TMEM163: variants seen among roughly 807,000 people sequenced by gnomAD.
The protein encoded by TMEM163 is transmembrane protein 163.
TMEM163 carries 17 observed loss-of-function variants against 29.3 expected under a neutral mutation model. That is an observed-to-expected ratio of 0.58 (90% CI 0.40 to 0.87). The LOEUF (loss-of-function observed/expected upper bound fraction) is 0.87. Ranked by LOEUF, TMEM163 falls within the 40% of genes least tolerant of loss-of-function variation. TMEM163 has a pLI of 0.00. For synonymous variants in TMEM163, 157 were observed against 160.6 expected (o/e 0.98, Z 0.17); for missense variants, 303 against 381.5 (o/e 0.79, Z 1.71).
At position 134,718,944 on chromosome 2, in the gene TMEM163, G is replaced by T; in HGVS notation, c.-9C>A. ...CCCGCGGCCGGCTCCATGGCGCGGG[G>T]CTGCGGATCCCGGCGGCGGCGACGA... On this transcript the variant is annotated 5_prime_UTR_variant, in exon 1 of 8. Coordinates refer to ENST00000281924, the MANE Select transcript of TMEM163 (RefSeq NM_030923.5). The T allele has an allele frequency of 9.6e-7, 1 of 1,042,084 alleles. No individual in the cohort carries two copies. The highest frequency in any genetic ancestry group is 1.2e-6 in the Non-Finnish European group (1 of 868,664). The allele number at this position is 1,042,084 out of a possible 1,614,324, so 64.6% of individuals were successfully genotyped here.
intron 2 of TMEM163, among the ~76,000 whole-genome samples, chr2:134,632,754 TC>T (rs1435436843): frequency 3.3e-5 from 5 of 151,600 alleles, no homozygotes; most frequent in African/African-American, 9.7e-5. Context: ...TTTTTTTTTT[TC>T]TTTTTGAGAT....
At chr2:134,549,302 G>C (rs1477417094) in intron 4 of TMEM163, among the ~76,000 whole-genome samples, 1 of 152,162 alleles carries the variant, frequency 6.6e-6, no homozygotes, top group African/African-American at 2.4e-5. Flanking sequence ...GCCTCAAAGA[G>C]GTATTGCAAC....
intron 5 of TMEM163, among the ~76,000 whole-genome samples, chr2:134,491,144 A>AG (rs11422930): frequency 0.62 from 93,928 of 151,920 alleles, 31,170 homozygotes; most frequent in East Asian, 0.96. Context: ...CAGTGTCCCA[A>AG]GTCAAGTAGA....
chr2:134,531,667 T>TG (rs904419222), intron 4 of TMEM163, among the ~76,000 whole-genome samples: 11 of 152,182 alleles, frequency 7.2e-5, no homozygotes, highest in African/African-American at 2.7e-4. Flanking sequence ...AAGGGATGCA[T>TG]GGAGCAAGGC....
intron 2 of TMEM163, among the ~76,000 whole-genome samples, chr2:134,585,990 G>T (rs2104798441): frequency 6.6e-6 from 1 of 152,250 alleles, no homozygotes; most frequent in African/African-American, 2.4e-5. Flanking sequence ...AAGACTTTTT[G>T]AAAGAAGAGC....
intron 5 of TMEM163, among the ~76,000 whole-genome samples, chr2:134,487,238 TA>T (rs1255847088): frequency 5.9e-5 from 9 of 152,294 alleles, no homozygotes; most frequent in Admixed American, 5.9e-4. Context: ...AAAATAAAAC[TA>T]ATTTTTAAAA....
Position 134,718,734 on chromosome 2 carries a change from C to A in TMEM163, c.202G>T (p.Gly68Cys). The A allele has an allele frequency of 1.7e-6, 2 of 1,155,794 alleles. No homozygotes were observed. The highest frequency in any genetic ancestry group is 2.1e-6 in the Non-Finnish European group (2 of 939,072). 71.6% of individuals were successfully genotyped at this position (1,155,794 alleles called of 1,614,324 possible). A position where few individuals can be genotyped will look rare whatever the true frequency, so the allele number is the denominator to read the frequency against. The change falls in exon 1 of 8, where the codon GGC becomes TGC. Residue 68 changes from glycine (G) to cysteine (C), a missense_variant and splice_region_variant. By Grantham distance (159) the Gly-to-Cys change is radical. Transcript: ENST00000281924. ...GCCGGGTCGGGCAGCTCGCGCTCAC[C>A]TCGGTCCTCCAGCCCGTCGCTGAAC... ...GQFSDGLEDRGLLESSTRLKP... is the reference protein window; with the variant it reads ...GQFSDGLEDRCLLESSTRLKP...
chr2:134,561,247 A>G (rs1464706780), intron 2 of TMEM163, among the ~76,000 whole-genome samples: 1 of 152,244 alleles, frequency 6.6e-6, no homozygotes, highest in Non-Finnish European at 1.5e-5. Flanking sequence ...TCTGTCGCCC[A>G]GGCTGGAGCG....
intron 5 of TMEM163, among the ~76,000 whole-genome samples, chr2:134,491,739 A>C (rs181148771): frequency 4.2e-4 from 64 of 152,352 alleles, no homozygotes; most frequent in Admixed American, 1.4e-3. Context: ...ATATCAAGCT[A>C]AAAAGCTCTT....
intron 4 of TMEM163, among the ~76,000 whole-genome samples, chr2:134,549,376 C>G (rs1477754680): frequency 6.6e-6 from 1 of 152,220 alleles, no homozygotes; most frequent in Admixed American, 6.5e-5. Flanking sequence ...GAGACAAAGT[C>G]TCGCTCTGTT....
At chr2:134,680,750 G>A (rs1684212330) in intron 2 of TMEM163, among the ~76,000 whole-genome samples, 3 of 152,180 alleles carry the variant, frequency 2.0e-5, no homozygotes, top group African/African-American at 7.2e-5. Flanking sequence ...GGTTTATAAT[G>A]AGGACATGTT....
At chr2:134,531,902 G>T (rs932731517) in intron 4 of TMEM163, among the ~76,000 whole-genome samples, 2 of 152,176 alleles carry the variant, frequency 1.3e-5, no homozygotes, top group East Asian at 1.9e-4. Context: ...TCTAAATTCT[G>T]CCTTGGTCTT....
intron 2 of TMEM163, among the ~76,000 whole-genome samples, chr2:134,606,802 G>C (rs1455319322): frequency 6.6e-6 from 1 of 152,244 alleles, no homozygotes; most frequent in Non-Finnish European, 1.5e-5. Context: ...GATGAGGATT[G>C]ATGGGGGCAG....
chr2:134,684,621 C>T (rs140028489), intron 2 of TMEM163, among the ~76,000 whole-genome samples: 62 of 152,196 alleles, frequency 4.1e-4, no homozygotes, highest in Middle Eastern at 3.4e-3. Flanking sequence ...GTTTTGGGAA[C>T]ACAGAGAGAT....
chr2:134,512,232 C>T (rs751049375), intron 4 of TMEM163, among the ~76,000 whole-genome samples: 1 of 152,112 alleles, frequency 6.6e-6, no homozygotes, highest in African/African-American at 2.4e-5. Context: ...CCAGGGTGGG[C>T]AGATCACCTG....
chr2:134,501,567 G>A (rs1014833000), intron 5 of TMEM163, among the ~76,000 whole-genome samples: 2 of 152,180 alleles, frequency 1.3e-5, no homozygotes, highest in African/African-American at 2.4e-5. Context: ...AAACGTAGAC[G>A]TTACCTGACT....
chr2:134,586,854 G>C lies in TMEM163; in HGVS notation c.323-34763C>G, dbSNP rs1193520118. Reference sequence around the variant, plus strand: ...AGGTTATTAGAGCAAGCCATCTTAAGTCAAGCATCACCTATATTTGTTAAT... The same window carrying C: ...AGGTTATTAGAGCAAGCCATCTTAACTCAAGCATCACCTATATTTGTTAAT... On this transcript the variant is annotated intron_variant, in intron 2 of 7. Coordinates refer to ENST00000281924, the MANE Select transcript of TMEM163 (RefSeq NM_030923.5). 2.0e-5 allele frequency among the ~76,000 whole-genome samples: 3 copies of C among 152,190 alleles called. No individual in the cohort carries two copies. In the East Asian group the frequency reaches 5.8e-4, roughly 29 times the overall value.
At chr2:134,598,373 G>C (rs1314260922) in intron 2 of TMEM163, among the ~76,000 whole-genome samples, 3 of 151,970 alleles carry the variant, frequency 2.0e-5, no homozygotes, top group Non-Finnish European at 4.4e-5. Context: ...CTAGCACTAT[G>C]TACTATACAT....
chr2:134,662,946 C>T (rs993331073), intron 2 of TMEM163, among the ~76,000 whole-genome samples: 1 of 152,310 alleles, frequency 6.6e-6, no homozygotes, highest in Non-Finnish European at 1.5e-5. Context: ...GCCCACCCCA[C>T]CAGTTCCCAC....
Sources: gnomAD v4.1 joint callset for allele counts (sites outside exome capture counted in the v4.1 genomes callset) on GRCh38, gnomAD v4.1.1 for gene constraint, MANE v1.5 for transcripts, NCBI Gene and HGNC (gene_info 2026-07-23, HGNC 2026-07-21) for gene names.